The following PRR14L variants were observed in gnomAD, a reference collection of about 807,000 sequenced individuals.
PRR14L encodes protein PRR14L.
In PRR14L, 80 loss-of-function variants were observed where a neutral mutation model predicts 155.0. The ratio of observed to expected loss-of-function variants is 0.52; its 90% confidence interval spans 0.43 to 0.62. The LOEUF (loss-of-function observed/expected upper bound fraction) is 0.62, where lower values mean the gene tolerates loss of function less well. PRR14L is among the 20% of genes least tolerant of loss of function. PRR14L has a pLI of 0.00. For synonymous variants in PRR14L, 883 were observed against 916.0 expected (o/e 0.96, Z 0.65); for missense variants, 2,469 against 2,548.0 (o/e 0.97, Z 0.67).
chr22:31,723,845 T>C (rs2074703353), intron 3 of PRR14L, among the ~76,000 whole-genome samples: 1 of 152,224 alleles, frequency 6.6e-6, no homozygotes, highest in South Asian at 2.1e-4. Context: ...AATAGTCATA[T>C]AATTTAATGC....
At chr22:31,733,307 T>G (rs1187592744) in intron 2 of PRR14L, among the ~76,000 whole-genome samples, 2 of 140,410 alleles carry the variant, frequency 1.4e-5, no homozygotes, top group Non-Finnish European at 3.1e-5. Context: ...TGTTTTTTTT[T>G]TTTTTTTTTT....
Position 31,684,139 on chromosome 22 carries a change from G to A in PRR14L, c.*1388C>T, listed in dbSNP as rs1457520048. The A allele has an allele frequency of 1.3e-5, 2 of 152,382 alleles. No individual in the cohort carries two copies. The highest frequency in any genetic ancestry group is 4.8e-5 in the African/African-American group (2 of 41,450). The allele number at this position is 152,382 out of a possible 1,614,324, so 9.4% of individuals were successfully genotyped here. On this transcript the variant is annotated 3_prime_UTR_variant, in exon 9 of 9. Coordinates refer to ENST00000327423, the MANE Select transcript of PRR14L (RefSeq NM_173566.3). ...GATATGGACACACAGGACTTCAGTG[G>A]AAAAGGAACAAGACCTCGAGGCTGC...
In PRR14L at chr22:31,716,709, G is replaced by C; in HGVS notation, c.1130C>G (p.Thr377Arg). 6.4e-7 allele frequency: 1 copy of C among 1,551,726 alleles called. No homozygotes were observed. The highest frequency in any genetic ancestry group is 8.7e-7 in the Non-Finnish European group (1 of 1,146,978). The change falls in exon 4 of 9, where the codon ACA (threonine) becomes AGA (arginine). Residue 377 changes from threonine to arginine, a missense_variant. Transcript: ENST00000327423. ...GGLLKRSAEK[T>R]DSSYFYRGDD... ...CCCCCTATAAAAATAAGAACTGTCT[G>C]TCTTTTCAGCAGATCTCTTTAGCAA...
intron 4 of PRR14L, among the ~76,000 whole-genome samples, chr22:31,706,837 G>A (rs2074595008): frequency 6.6e-6 from 1 of 151,174 alleles, no homozygotes; most frequent in Non-Finnish European, 1.5e-5. Flanking sequence ...ATCACCTGAG[G>A]TCAAGAGTTT....
intron 1 of PRR14L, among the ~76,000 whole-genome samples, chr22:31,746,925 T>C (rs2074841652): frequency 6.6e-6 from 1 of 151,680 alleles, no homozygotes; most frequent in African/African-American, 2.4e-5. Context: ...GCCTCCCAAG[T>C]AGCTGGGACT....
Position 31,690,041 on chromosome 22 carries a change from C to T in PRR14L, c.6108-1814G>A, listed in dbSNP as rs8136786. Among the ~76,000 whole-genome samples the T allele has an allele frequency of 9.8e-3, 1,491 of 152,226 alleles. 30 individuals carry two copies. Among genetic ancestry groups the T allele is most frequent in the African/African-American group, 0.035 (1,438 of 41,548 alleles). On this transcript the variant is annotated intron_variant, in intron 7 of 8. Transcript: ENST00000327423. ...AAGCGATTCTCCTGCCTCAGCCTCC[C>T]GAGTAGCTGGGACTACGGGTGCGTG...
chr22:31,711,614 T>A (rs1258821115), intron 4 of PRR14L, among the ~76,000 whole-genome samples: 2 of 151,284 alleles, frequency 1.3e-5, no homozygotes, highest in African/African-American at 4.9e-5. Flanking sequence ...AACCCCCGTC[T>A]CTACTAAAAA....
intron 8 of PRR14L, 104 bp downstream of exon 8, chr22:31,688,052 T>C (rs2074491428): frequency 2.2e-6 from 2 of 901,108 alleles, no homozygotes; most frequent in South Asian, 1.6e-5. Context: ...AAAGACCCAA[T>C]ATTGGTACAA....
intron 2 of PRR14L, among the ~76,000 whole-genome samples, chr22:31,735,152 C>T (rs748639742): frequency 1.3e-5 from 2 of 152,076 alleles, no homozygotes; most frequent in Non-Finnish European, 2.9e-5. Flanking sequence ...TAAAAAAGAA[C>T]AGGGTGGCGG....
At chr22:31,749,836 G>T (rs994630345) in intron 1 of PRR14L, among the ~76,000 whole-genome samples, 157 bp downstream of exon 1, 3 of 152,204 alleles carry the variant, frequency 2.0e-5, no homozygotes, top group African/African-American at 7.2e-5. Flanking sequence ...TCCCTGGGTC[G>T]TTCCGCCGCC....
intron 6 of PRR14L, among the ~76,000 whole-genome samples, chr22:31,702,816 T>G (rs1357155390): frequency 1.1e-5 from 1 of 94,212 alleles, no homozygotes; most frequent in African/African-American, 4.4e-5. Context: ...GTGCCCGGCC[T>G]TTTATTTTTT....
In PRR14L at chr22:31,681,510, T is replaced by C. The variant is rs534498113; in HGVS notation, c.*4017A>G. ...CATTGAACTACTGACCATGATAATATATAAACATGTCAGGCAGCTATTTTT... is the reference window on the plus strand; with the variant it reads ...CATTGAACTACTGACCATGATAATACATAAACATGTCAGGCAGCTATTTTT... On this transcript the variant is annotated 3_prime_UTR_variant, in exon 9 of 9. Transcript: ENST00000327423. The C allele has an allele frequency of 5.9e-5, 9 of 152,202 alleles. No individual in the cohort carries two copies. The highest frequency in any genetic ancestry group is 3.3e-4 in the Admixed American group (5 of 15,274). The allele number at this position is 152,202 out of a possible 1,614,324, so 9.4% of individuals were successfully genotyped here. A position where few individuals can be genotyped will look rare whatever the true frequency, so the allele number is the denominator to read the frequency against.
chr22:31,730,371 G>C (rs1182855629), intron 2 of PRR14L, among the ~76,000 whole-genome samples: 1 of 152,212 alleles, frequency 6.6e-6, no homozygotes, highest in African/African-American at 2.4e-5. Context: ...CGGGACCCGG[G>C]AGGCGAAGGT....
chr22:31,686,252 C>T (rs573917993), intron 8 of PRR14L, among the ~76,000 whole-genome samples: 31 of 151,434 alleles, frequency 2.0e-4, no homozygotes, highest in Admixed American at 1.1e-3. Context: ...GTGCCCACCA[C>T]CACGCCCGGC....
At chr22:31,722,361 C>A (rs1481164185) in intron 3 of PRR14L, among the ~76,000 whole-genome samples, 1 of 147,192 alleles carries the variant, frequency 6.8e-6, no homozygotes, top group Admixed American at 7.0e-5. Context: ...ACCCGGCAGG[C>A]GGAGGTTGCA....
chr22:31,719,868 C>T (rs112853152), intron 3 of PRR14L, among the ~76,000 whole-genome samples: 1,668 of 152,172 alleles, frequency 0.011, 32 homozygotes, highest in African/African-American at 0.038. Flanking sequence ...TCCCAAGGAG[C>T]TGGGACTGTA....
rs150523878 is a variant in PRR14L, at chr22:31,717,311, C to G, written c.548-20G>C. ...TTCCTTCTGAATAAGAGAAATAAAT[C>G]CAAATTAATATGCAGTAATAAAAAA... On this transcript the variant is annotated intron_variant, in intron 3 of 8. Transcript: ENST00000327423. 11 of 1,509,918 alleles carry G rather than the reference C, an allele frequency of 7.3e-6. No individual in the cohort carries two copies. The highest frequency in any genetic ancestry group is 9.8e-6 in the Non-Finnish European group (11 of 1,124,732). The allele number at this position is 1,509,918 out of a possible 1,614,324, so 93.5% of individuals were successfully genotyped here.
intron 2 of PRR14L, among the ~76,000 whole-genome samples, chr22:31,732,154 AC>A (rs2147872852): frequency 6.6e-6 from 1 of 152,318 alleles, no homozygotes; most frequent in East Asian, 1.9e-4. Context: ...ATAAGCAGAT[AC>A]TTCTATATAT....
intron 2 of PRR14L, among the ~76,000 whole-genome samples, chr22:31,731,323 G>A (rs980991254): frequency 6.6e-6 from 1 of 151,956 alleles, no homozygotes; most frequent in African/African-American, 2.4e-5. Flanking sequence ...CTAACACTTT[G>A]GGAGGCCGAG....
Sources: allele counts gnomAD v4.1 joint callset (sites outside exome capture counted in the v4.1 genomes callset), GRCh38; gene constraint gnomAD v4.1.1; transcripts MANE v1.5; gene names NCBI Gene and HGNC (gene_info 2026-07-23, HGNC 2026-07-21).